PPAT: variants seen among roughly 807,000 people sequenced by gnomAD.
PPAT encodes amidophosphoribosyltransferase.
PPAT carries 20 observed loss-of-function variants against 60.2 expected under a neutral mutation model. That is an observed-to-expected ratio of 0.33 (90% CI 0.23 to 0.48). The LOEUF (loss-of-function observed/expected upper bound fraction) is 0.48. Among genes scored for constraint, PPAT ranks in the 20% least tolerant of loss-of-function variants. PPAT has a pLI of 0.99. For missense variants in PPAT, 349 were observed against 629.6 expected (o/e 0.55, Z 4.77); for synonymous variants, 194 against 215.1 (o/e 0.90, Z 0.86).
At chr4:56,432,482 T>C (rs868381450) in intron 1 of PPAT, among the ~76,000 whole-genome samples, 6 of 134,414 alleles carry the variant, frequency 4.5e-5, no homozygotes, top group Admixed American at 2.5e-4. Context: ...GCCCAGATCA[T>C]ACCACTCCAC....
chr4:56,418,403 T>A (rs1474341497), intron 1 of PPAT, among the ~76,000 whole-genome samples: 2 of 152,138 alleles, frequency 1.3e-5, no homozygotes, highest in Non-Finnish European at 1.5e-5. Context: ...CATTGCAACC[T>A]CCACCTCCCC....
At position 56,406,491 on chromosome 4, in the gene PPAT, G is replaced by C. The variant is rs757412904; in HGVS notation, c.402+4C>G. The stretch of plus-strand genomic sequence containing the variant: ...GCCTAGGGAAAACAAACAAACAAAC[G>C]TACCTTTTTCCTTAATCGAGCAGCA... On this transcript the variant is annotated splice_donor_region_variant and intron_variant, in intron 3 of 10. Coordinates refer to ENST00000264220, the MANE Select transcript of PPAT (RefSeq NM_002703.5). 3.4e-5 allele frequency: 54 copies of C among 1,607,942 alleles called. 1 individual carries two copies. In the Admixed American group the frequency reaches 8.0e-4, roughly 24 times the overall value.
At chr4:56,431,791 GT>G (rs1717596339) in intron 1 of PPAT, among the ~76,000 whole-genome samples, 1 of 152,186 alleles carries the variant, frequency 6.6e-6, no homozygotes, top group Admixed American at 6.5e-5. Context: ...AGATGAAAAT[GT>G]TTATTCTAAG....
chr4:56,414,189 C>G (rs1039557698), intron 1 of PPAT: 9 of 152,192 alleles, frequency 5.9e-5, no homozygotes, highest in African/African-American at 2.2e-4. Context: ...AGGTTTGATT[C>G]ATTATGTAAT....
At chr4:56,412,204 T>C (rs1716495859) in intron 1 of PPAT, among the ~76,000 whole-genome samples, 1 of 152,120 alleles carries the variant, frequency 6.6e-6, no homozygotes, top group Non-Finnish European at 1.5e-5. Context: ...CCAAACTCCT[T>C]CGTTTTCACT....
At chr4:56,402,647 T>G (rs1429000288) in intron 5 of PPAT, among the ~76,000 whole-genome samples, 1 of 151,868 alleles carries the variant, frequency 6.6e-6, no homozygotes. Flanking sequence ...AGAAACCCTG[T>G]CTCTACTAAA....
chr4:56,395,320 A>G lies in PPAT; in HGVS notation c.*32T>C, dbSNP rs747354320. 5.2e-6 allele frequency: 8 copies of G among 1,551,908 alleles called. No homozygotes were observed. Among genetic ancestry groups the G allele is most frequent in the Middle Eastern group, 1.7e-4 (1 of 5,918 alleles). ...ACTATAACTTCTTGACCAACTTTCT[A>G]TCTTGAAACTACACACATCCAACCC... On this transcript the variant is annotated 3_prime_UTR_variant, in exon 11 of 11. Transcript: ENST00000264220.
intron 1 of PPAT, among the ~76,000 whole-genome samples, chr4:56,414,825 T>C (rs936082688): frequency 1.3e-5 from 2 of 152,220 alleles, no homozygotes; most frequent in African/African-American, 2.4e-5. Flanking sequence ...AATTCTTACA[T>C]AACTCCAGAT....
intron 1 of PPAT, among the ~76,000 whole-genome samples, chr4:56,434,617 C>T (rs1185079122): frequency 6.6e-6 from 1 of 152,162 alleles, no homozygotes; most frequent in Admixed American, 6.5e-5. Flanking sequence ...CCCCTGTCCC[C>T]CTTTTGAAGA....
At chr4:56,435,274 A>C (rs1283178318) in intron 1 of PPAT, 76 bp downstream of exon 1, 2 of 1,593,734 alleles carry the variant, frequency 1.3e-6, no homozygotes, top group Non-Finnish European at 8.6e-7. Context: ...TCGGGCGCTC[A>C]TGAGAACGCC....
At chr4:56,400,074 A>G (rs1011883326) in intron 8 of PPAT, 1 of 152,268 alleles carries the variant, frequency 6.6e-6, no homozygotes, top group African/African-American at 2.4e-5. Flanking sequence ...CACTGAATAT[A>G]TAGTTGATGA....
rs973472875 is a variant in PPAT at position 56,420,024 on chromosome 4, G to A, written c.129-12308C>T. On this transcript the variant is annotated intron_variant, in intron 1 of 10. Coordinates refer to ENST00000264220, the MANE Select transcript of PPAT (RefSeq NM_002703.5). ...AGAACATGTCACAGAATGTGCCAAC[G>A]TAAAAATGGGAGAGGACCAGACAGG... 1.4e-5 allele frequency: 14 copies of A among 983,690 alleles called. No homozygotes were observed. In the Admixed American group the frequency reaches 8.0e-4, roughly 56 times the overall value. The allele number at this position is 983,690 out of a possible 1,614,324, so 60.9% of individuals were successfully genotyped here.
chr4:56,415,443 G>C (rs934953104), intron 1 of PPAT, among the ~76,000 whole-genome samples: 1 of 152,114 alleles, frequency 6.6e-6, no homozygotes, highest in Non-Finnish European at 1.5e-5. Context: ...AGTAGCCTAT[G>C]CCTCATTTTA....
At position 56,406,735 on chromosome 4, in the gene PPAT, A is replaced by G. The variant is rs1237749439; in HGVS notation, c.196-34T>C. 2.1e-6 allele frequency: 3 copies of G among 1,461,804 alleles called. No individual in the cohort carries two copies. The South Asian group carries it at 3.5e-5, about 17-fold the overall frequency. 90.6% of individuals were successfully genotyped at this position (1,461,804 alleles called of 1,614,324 possible). A position where few individuals can be genotyped will look rare whatever the true frequency, so the allele number is the denominator to read the frequency against. Reference sequence around the variant, plus strand: ...ATCAAAAAGTGCAACTTAGAAAAAAACAGACTAGTACTGCTAGTAATAAAC... The same window carrying G: ...ATCAAAAAGTGCAACTTAGAAAAAAGCAGACTAGTACTGCTAGTAATAAAC... On this transcript the variant is annotated intron_variant, in intron 2 of 10. Coordinates refer to ENST00000264220, the MANE Select transcript of PPAT (RefSeq NM_002703.5).
Position 56,407,751 on chromosome 4 carries a change from G to A in PPAT, c.129-35C>T. On this transcript the variant is annotated intron_variant, in intron 1 of 10. Coordinates refer to ENST00000264220, the MANE Select transcript of PPAT (RefSeq NM_002703.5). ...TAAAAAGATATTAGCTGTTAAATCTGCCAATTGATTAGCTTCTTGAAGAAC... is the reference window on the plus strand; with the variant it reads ...TAAAAAGATATTAGCTGTTAAATCTACCAATTGATTAGCTTCTTGAAGAAC... 2.7e-6 allele frequency: 4 copies of A among 1,489,844 alleles called. No homozygotes were observed. The South Asian group carries it at 3.4e-5, about 13-fold the overall frequency. 92.3% of individuals were successfully genotyped at this position (1,489,844 alleles called of 1,614,324 possible).
chr4:56,412,504 G>C (rs1716513446), intron 1 of PPAT, among the ~76,000 whole-genome samples: 1 of 151,990 alleles, frequency 6.6e-6, no homozygotes, highest in Admixed American at 6.6e-5. Context: ...TTCCCACCAT[G>C]TTGCCCTGGC....
intron 1 of PPAT, among the ~76,000 whole-genome samples, chr4:56,416,199 C>A (rs1360430099): frequency 6.6e-6 from 1 of 152,128 alleles, no homozygotes; most frequent in African/African-American, 2.4e-5. Flanking sequence ...AATTAGATTT[C>A]TCTTTAAATA....
At chr4:56,406,085 C>G (rs1716233587) in intron 3 of PPAT, among the ~76,000 whole-genome samples, 1 of 152,136 alleles carries the variant, frequency 6.6e-6, no homozygotes, top group Non-Finnish European at 1.5e-5. Flanking sequence ...AAGAAACCCC[C>G]CTATTTGGTG....
chr4:56,435,430 C>A lies in PPAT; in HGVS notation c.48G>T (p.Gly16=). 6.2e-7 allele frequency: 1 copy of A among 1,613,924 alleles called. No individual in the cohort carries two copies. The highest frequency in any genetic ancestry group is 8.5e-7 in the Non-Finnish European group (1 of 1,179,884). The stretch of plus-strand genomic sequence containing the variant: ...TGGGCCACTCTCCTGAGGCGATGCA[C>A]CCGAACACGCCACATTCCTCTCGGA... ...LGIREECGVF[G]CIASGEWPTQ... Residue 16 remains glycine, a synonymous_variant, in exon 1 of 11, where the codon GGG becomes GGT. Coordinates refer to ENST00000264220, the MANE Select transcript of PPAT (RefSeq NM_002703.5).
Sources: allele counts gnomAD v4.1 joint callset (sites outside exome capture counted in the v4.1 genomes callset), GRCh38; gene constraint gnomAD v4.1.1; transcripts MANE v1.5; gene names NCBI Gene and HGNC (gene_info 2026-07-23, HGNC 2026-07-21).